Variants in HS1BP3 observed in about 807,000 individuals in gnomAD.
HS1BP3 encodes the protein HCLS1 binding protein 3, also known as HCLS1-binding protein 3.
A neutral mutation model predicts 33.5 loss-of-function variants in HS1BP3; 32 were observed. That is an observed-to-expected ratio of 0.95 (90% CI 0.72 to 1.28). HS1BP3 has a LOEUF of 1.28. Ranked by LOEUF, HS1BP3 falls within the 50% of genes most tolerant of loss-of-function variation. The probability of loss-of-function intolerance (pLI) is 0.00; values close to 1 mark genes in which losing one functional copy is unlikely to be tolerated. For missense variants in HS1BP3, 486 were observed against 502.3 expected, an observed-to-expected ratio of 0.97 and a Z score of 0.31; for synonymous variants, 187 against 209.2, an observed-to-expected ratio of 0.89 and a Z score of 0.92.
intron 5 of HS1BP3, among the ~76,000 whole-genome samples, chr2:20,563,091 G>T (rs1693040233): frequency 1.3e-5 from 2 of 152,234 alleles, no homozygotes; most frequent in African/African-American, 4.8e-5. Flanking sequence ...AACCCTCAGT[G>T]CAGAGAGAGA....
chr2:20,608,261 C>T (rs1694241391), intron 2 of HS1BP3, among the ~76,000 whole-genome samples: 1 of 151,896 alleles, frequency 6.6e-6, no homozygotes. Context: ...CTAGAACTTC[C>T]AGTACAATAT....
At chr2:20,609,092 A>G (rs1345637528) in intron 2 of HS1BP3, among the ~76,000 whole-genome samples, 1 of 152,210 alleles carries the variant, frequency 6.6e-6, no homozygotes, top group Non-Finnish European at 1.5e-5. Context: ...ACTGATGCCC[A>G]TCCAAGAAAC....
At chr2:20,578,939 T>C (rs1032524922) in intron 5 of HS1BP3, among the ~76,000 whole-genome samples, 3 of 152,220 alleles carry the variant, frequency 2.0e-5, no homozygotes, top group Admixed American at 2.0e-4. Flanking sequence ...ACTACAAGGC[T>C]TTCTGTTTCT....
chr2:20,642,438 C>T (rs1244761278), intron 2 of HS1BP3, among the ~76,000 whole-genome samples: 1 of 152,210 alleles, frequency 6.6e-6, no homozygotes, highest in Non-Finnish European at 1.5e-5. Context: ...AAGAGCCTGG[C>T]TCCAGACTTT....
At chr2:20,638,677 G>C (rs751102390) in intron 3 of HS1BP3, 25 bp from the exon 4 acceptor site, 1 of 1,591,098 alleles carries the variant, frequency 6.3e-7, no homozygotes, top group East Asian at 2.2e-5. Flanking sequence ...AGAAAAGAAT[G>C]GACTTGGTAA....
downstream of HS1BP3, among the ~76,000 whole-genome samples, chr2:20,616,093 G>T (rs78015022): frequency 0.014 from 2,112 of 152,300 alleles, 41 homozygotes; most frequent in African/African-American, 0.047. Context: ...CTCACAACAG[G>T]CTTCGAAATA....
chr2:20,625,906 T>G (rs1694765812), intron 4 of HS1BP3, among the ~76,000 whole-genome samples: 1 of 152,246 alleles, frequency 6.6e-6, no homozygotes, highest in Non-Finnish European at 1.5e-5. Context: ...TGATTTTACT[T>G]TAATAATTAC....
At chr2:20,577,378 A>G (rs897142855) in intron 5 of HS1BP3, among the ~76,000 whole-genome samples, 1 of 152,074 alleles carries the variant, frequency 6.6e-6, no homozygotes, top group Non-Finnish European at 1.5e-5. Flanking sequence ...CTTCCCAACC[A>G]TTGGCTGGGG....
chr2:20,608,205 T>C (rs547517719), intron 2 of HS1BP3, among the ~76,000 whole-genome samples: 1 of 152,326 alleles, frequency 6.6e-6, no homozygotes, highest in African/African-American at 2.4e-5. Flanking sequence ...CTCCTGCTTA[T>C]TTTACTATCT....
chr2:20,557,552 G>A (rs547541485), downstream of HS1BP3, among the ~76,000 whole-genome samples: 1 of 152,164 alleles, frequency 6.6e-6, no homozygotes, highest in East Asian at 1.9e-4. Flanking sequence ...ATTTCCACAC[G>A]TGTACATTTC....
chr2:20,617,410 C>T (rs1007672500), downstream of HS1BP3, among the ~76,000 whole-genome samples: 7 of 152,118 alleles, frequency 4.6e-5, no homozygotes, highest in African/African-American at 1.2e-4. Flanking sequence ...TGGGTTAAGA[C>T]GGAGGAGGAG....
intron 3 of HS1BP3, among the ~76,000 whole-genome samples, chr2:20,593,867 A>G (rs1259660248): frequency 2.0e-5 from 3 of 152,184 alleles, no homozygotes; most frequent in Admixed American, 1.3e-4. Flanking sequence ...CAGGGCCGGC[A>G]TTGAAGGAAT....
chr2:20,575,940 A>G (rs75914281), intron 5 of HS1BP3, among the ~76,000 whole-genome samples: 4,427 of 152,256 alleles, frequency 0.029, 206 homozygotes, highest in African/African-American at 0.098. Flanking sequence ...GGGGAAGGGG[A>G]CTGGGGAGGG....
rs1390745296 is a variant in HS1BP3, at chr2:20,646,804, C to T, written c.33-1299G>A. Among the ~76,000 whole-genome samples, 12 of 152,228 alleles carry T rather than the reference C, an allele frequency of 7.9e-5. No individual in the cohort carries two copies. The East Asian group carries it at 1.3e-3, about 17-fold the overall frequency. ...TGAGGCTGGATGCTGAGGGGAGACGCGCTGGGCTCTAGGGATGCACCTGTG... is the reference window on the plus strand; with the variant it reads ...TGAGGCTGGATGCTGAGGGGAGACGTGCTGGGCTCTAGGGATGCACCTGTG... On this transcript the variant is annotated intron_variant, in intron 1 of 6. Transcript: ENST00000304031.
At chr2:20,628,961 A>T (rs1454459468) in intron 4 of HS1BP3, among the ~76,000 whole-genome samples, 1 of 152,162 alleles carries the variant, frequency 6.6e-6, no homozygotes, top group African/African-American at 2.4e-5. Flanking sequence ...TTTCCAGGGA[A>T]GCTTTGCTCA....
chr2:20,560,529 A>G (rs931278333), intron 5 of HS1BP3: 1 of 152,296 alleles, frequency 6.6e-6, no homozygotes, highest in Non-Finnish European at 1.5e-5. Flanking sequence ...CAGGAATAAC[A>G]AGAACAGATG....
intron 4 of HS1BP3, among the ~76,000 whole-genome samples, chr2:20,625,419 TG>T (rs1451746011): frequency 6.6e-6 from 1 of 152,122 alleles, no homozygotes; most frequent in Non-Finnish European, 1.5e-5. Context: ...TCTCAGCACT[TG>T]GGGGCCAGGC....
At position 20,645,456 on chromosome 2, in the gene HS1BP3, G is replaced by C. The variant is rs1259721572; in HGVS notation, c.82C>G (p.Gln28Glu). The C allele has an allele frequency of 2.5e-6, 4 of 1,613,994 alleles. No homozygotes were observed. Among genetic ancestry groups the C allele is most frequent in the Non-Finnish European group, 3.4e-6 (4 of 1,179,988 alleles). ...TGLDLTVPQH[Q>E]EVRGKMMSGH... ...GACATCATCTTGCCCCGTACCTCCT[G>C]GTGCTGGGGCACAGTCAGGTCGAGG... Residue 28 changes from glutamine to glutamate, a missense_variant, in exon 2 of 7, where the codon CAG (glutamine) becomes GAG (glutamate). Physicochemically the swap from Gln to Glu is conservative, Grantham distance 29 (BLOSUM62 2). Transcript: ENST00000304031.
chr2:20,629,022 G>A (rs1488181667), intron 4 of HS1BP3, among the ~76,000 whole-genome samples: 4 of 152,200 alleles, frequency 2.6e-5, no homozygotes, highest in Non-Finnish European at 5.9e-5. Context: ...CAGCGGTGGT[G>A]CGAGGGGAAG....
Sources: gnomAD v4.1 joint callset for allele counts (sites outside exome capture counted in the v4.1 genomes callset) on GRCh38, gnomAD v4.1.1 for gene constraint, MANE v1.5 for transcripts, NCBI Gene and HGNC (gene_info 2026-07-23, HGNC 2026-07-21) for gene names.